Variants in ARMC3 observed in about 807,000 individuals in gnomAD.
ARMC3 encodes the protein armadillo repeat containing 3.
Under a neutral mutation model 90.3 loss-of-function variants are expected in ARMC3, and 74 were observed. That is an observed-to-expected ratio of 0.82 (90% confidence interval 0.68 to 0.99). ARMC3 has a LOEUF of 0.99. Among genes scored for constraint, ARMC3 ranks in the 50% least tolerant of loss-of-function variants. The pLI is 0.00. For missense variants in ARMC3, 958 were observed against 1,042.8 expected (o/e 0.92, Z 1.12); for synonymous variants, 334 against 361.8 (o/e 0.92, Z 0.87).
At chr10:22,984,686 T>C (rs939960707) in intron 10 of ARMC3, among the ~76,000 whole-genome samples, 1 of 152,196 alleles carries the variant, frequency 6.6e-6, no homozygotes, top group East Asian at 1.9e-4. Context: ...GATTTTCAAC[T>C]TTATTGAAGT....
intron 2 of ARMC3, among the ~76,000 whole-genome samples, chr10:22,944,786 C>G (rs140213753): frequency 1.0e-3 from 152 of 152,306 alleles, no homozygotes; most frequent in Middle Eastern, 6.8e-3. Flanking sequence ...GCCTTCTGCT[C>G]TCATGATTAG....
intron 1 of ARMC3, among the ~76,000 whole-genome samples, chr10:22,929,025 G>A (rs930255686): frequency 6.6e-5 from 10 of 152,086 alleles, no homozygotes; most frequent in Non-Finnish European, 1.0e-4. Flanking sequence ...TCAGGAGTTC[G>A]AGACCAACCT....
chr10:23,028,121 G>A (rs1346590524), intron 16 of ARMC3, among the ~76,000 whole-genome samples: 1 of 152,108 alleles, frequency 6.6e-6, no homozygotes. Context: ...CCCAGCCTGG[G>A]CAACAAGTGA....
At chr10:22,931,933 C>A in intron 1 of ARMC3, 63 bp from the exon 2 acceptor site, 1 of 1,413,574 alleles carries the variant, frequency 7.1e-7, no homozygotes, top group Non-Finnish European at 9.8e-7. Context: ...CTCTCAAGGG[C>A]ACAGGTAATT....
chr10:22,969,884 T>C lies in ARMC3; in HGVS notation c.916+1395T>C, dbSNP rs545477145. Among the ~76,000 whole-genome samples the C allele has an allele frequency of 6.6e-5, 10 of 152,314 alleles. No homozygotes were observed. In the South Asian group the frequency reaches 1.5e-3, roughly 22 times the overall value. On this transcript the variant is annotated intron_variant, in intron 8 of 18. Coordinates refer to ENST00000298032, the MANE Select transcript of ARMC3 (RefSeq NM_173081.5). The stretch of plus-strand genomic sequence containing the variant: ...ACTCATTTTGAGGTGGTGAGTTTGA[T>C]GATGCCTACCCATCATGTGCCACAG...
chr10:23,010,465 C>T lies in ARMC3; in HGVS notation c.2045+1534C>T, dbSNP rs1383615612. ...CCTCTCCTTCCTTTCCCTCCTCCCT[C>T]CTTCCTTTCCCTCCTCCCTCCTTCC... On this transcript the variant is annotated intron_variant, in intron 16 of 18. Coordinates refer to ENST00000298032, the MANE Select transcript of ARMC3 (RefSeq NM_173081.5). Among the ~76,000 whole-genome samples, 2 of 19,906 alleles carry T rather than the reference C, an allele frequency of 1.0e-4. 1 individual carries two copies. The highest frequency in any genetic ancestry group is 2.4e-4 in the African/African-American group (2 of 8,302). 13.1% of individuals were successfully genotyped at this position (19,906 alleles called of 152,430 possible).
At chr10:22,979,357 C>T (rs1194001251) in intron 8 of ARMC3, among the ~76,000 whole-genome samples, 2 of 152,126 alleles carry the variant, frequency 1.3e-5, no homozygotes, top group East Asian at 1.9e-4. Context: ...CTATTATAGC[C>T]ATGCTGCAGT....
chr10:23,027,774 T>G (rs1049075239), intron 16 of ARMC3, among the ~76,000 whole-genome samples: 10 of 152,188 alleles, frequency 6.6e-5, no homozygotes, highest in African/African-American at 2.4e-4. Flanking sequence ...GTCTGGGACT[T>G]TGATGACATC....
In ARMC3 at chr10:22,981,603, C is replaced by G. The variant is rs141232622; in HGVS notation, c.1078C>G (p.Gln360Glu). The G allele has an allele frequency of 8.1e-5, 130 of 1,613,950 alleles. No homozygotes were observed. The highest frequency in any genetic ancestry group is 1.1e-4 in the Non-Finnish European group (125 of 1,179,966). The change falls in exon 10 of 19, where the codon CAG becomes GAG. Residue 360 changes from glutamine (Q) to glutamate (E), a missense_variant. By Grantham distance (29) the Gln-to-Glu change is conservative (BLOSUM62 2). Transcript: ENST00000298032. ...KDFFNNQGIP[Q>E]LIQLLKSDNE... ...CCTTTCTCTTTCTGTAGGGATTCCACAGTTAATTCAGTTGCTAAAAAGTGA... is the reference window on the plus strand; with the variant it reads ...CCTTTCTCTTTCTGTAGGGATTCCAGAGTTAATTCAGTTGCTAAAAAGTGA...
At chr10:23,013,854 G>A (rs747032872) in intron 16 of ARMC3, among the ~76,000 whole-genome samples, 12 of 138,104 alleles carry the variant, frequency 8.7e-5, no homozygotes, top group Admixed American at 1.4e-4. Context: ...CTGGGACCAC[G>A]CTTTTTTTTT....
At chr10:22,943,674 T>A (rs1453851709) in intron 2 of ARMC3, among the ~76,000 whole-genome samples, 2 of 152,172 alleles carry the variant, frequency 1.3e-5, no homozygotes, top group African/African-American at 4.8e-5. Flanking sequence ...GGCTCATGCC[T>A]GTAATCCCAG....
chr10:22,978,629 A>G (rs1030313253), intron 8 of ARMC3, among the ~76,000 whole-genome samples: 7 of 152,192 alleles, frequency 4.6e-5, no homozygotes, highest in Non-Finnish European at 7.4e-5. Context: ...CTTATTTTAT[A>G]TTAGTTACAG....
chr10:23,016,904 CG>C (rs1180360321), intron 16 of ARMC3, among the ~76,000 whole-genome samples: 1 of 152,124 alleles, frequency 6.6e-6, no homozygotes, highest in Non-Finnish European at 1.5e-5. Flanking sequence ...TATTCAGTGA[CG>C]AAGTATTGGA....
rs531181661 is a variant in ARMC3, at chr10:23,012,806, C to T, written c.2045+3875C>T. Among the ~76,000 whole-genome samples the T allele has an allele frequency of 2.5e-4, 38 of 151,996 alleles. No homozygotes were observed. In the South Asian group the frequency reaches 7.7e-3, roughly 31 times the overall value. ...TATTCAATCACATCAACCTCCTTAT[C>T]GTACTGTAAATCCTCCCACTTTCGC... is the stretch of plus-strand genomic sequence containing the variant. On this transcript the variant is annotated intron_variant, in intron 16 of 18. Coordinates refer to ENST00000298032, the MANE Select transcript of ARMC3 (RefSeq NM_173081.5).
intron 16 of ARMC3, among the ~76,000 whole-genome samples, chr10:23,025,078 C>G (rs377627189): frequency 2.6e-5 from 4 of 152,094 alleles, no homozygotes; most frequent in South Asian, 4.1e-4. Context: ...AACCAAACAA[C>G]AAAGCCTCAA....
intron 18 of ARMC3, among the ~76,000 whole-genome samples, chr10:23,034,126 ATTTCCTATTCCC>A (rs1230087179): frequency 7.9e-5 from 12 of 151,260 alleles, no homozygotes; most frequent in Admixed American, 2.0e-4. Flanking sequence ...ATTCCCTTGG[ATTTCCTATTCCC>A]TTTCCTATTC....
chr10:22,949,103 AC>A (rs1289447013), intron 3 of ARMC3, among the ~76,000 whole-genome samples: 1 of 152,204 alleles, frequency 6.6e-6, no homozygotes, highest in Non-Finnish European at 1.5e-5. Context: ...TAGATTGTGC[AC>A]TGTTCTAGTA....
At chr10:23,002,402 C>T (rs551611438) in intron 12 of ARMC3, among the ~76,000 whole-genome samples, 6 of 152,282 alleles carry the variant, frequency 3.9e-5, no homozygotes, top group Non-Finnish European at 4.4e-5. Context: ...CTGTGTCTAT[C>T]ACCTCTATTT....
chr10:23,024,411 T>G (rs1838632412), intron 16 of ARMC3, among the ~76,000 whole-genome samples: 1 of 126,956 alleles, frequency 7.9e-6, no homozygotes, highest in Admixed American at 8.0e-5. Flanking sequence ...GATAGATAGA[T>G]AGATAGATAG....
Sources: gnomAD v4.1 joint callset for allele counts (sites outside exome capture counted in the v4.1 genomes callset) on GRCh38, gnomAD v4.1.1 for gene constraint, MANE v1.5 for transcripts, NCBI Gene and HGNC (gene_info 2026-07-23, HGNC 2026-07-21) for gene names.